Variants in HMCN1 observed in about 807,000 individuals in gnomAD.
HMCN1 encodes the protein hemicentin 1.
A neutral mutation model predicts 625.9 loss-of-function variants in HMCN1; 321 were observed. The ratio of observed to expected loss-of-function variants is 0.51; its 90% CI spans 0.47 to 0.56. HMCN1 has a LOEUF of 0.56. Among genes scored for constraint, HMCN1 ranks in the 20% least tolerant of loss-of-function variants. The pLI, the probability that HMCN1 is intolerant of heterozygous loss-of-function variation, is 0.00. For synonymous variants in HMCN1, 2,425 were observed against 2,417.6 expected (o/e 1.00, Z -0.09); for missense variants, 6,588 against 6,887.3 (o/e 0.96, Z 1.54).
chr1:186,037,261 C>T (rs1655895652), intron 36 of HMCN1, among the ~76,000 whole-genome samples: 1 of 152,046 alleles, frequency 6.6e-6, no homozygotes, highest in Non-Finnish European at 1.5e-5. Context: ...GTCTCTCACA[C>T]TCCTTGAGAT....
Position 186,120,031 on chromosome 1 carries a change from C to A in HMCN1, c.12115C>A (p.Pro4039Thr). The A allele has an allele frequency of 6.2e-7, 1 of 1,614,014 alleles. No homozygotes were observed. Among genetic ancestry groups the A allele is most frequent in the East Asian group, 2.2e-5 (1 of 44,876 alleles). ...NTSGRNHAVL[P>T]SGGLQISRAV... is the part of the protein sequence containing the mutation. The stretch of plus-strand genomic sequence containing the variant: ...TGTAGGCAGAAACCATGCAGTTCTT[C>A]CTAGTGGCGGCTTACAGATCTCCAG... The change falls in exon 80 of 107, where the codon CCT becomes ACT. Residue 4039 changes from proline (P) to threonine (T), a missense_variant. Physicochemically the swap from Pro to Thr is conservative, Grantham distance 38 (BLOSUM62 -1). Transcript: ENST00000271588.
chr1:186,151,170 A>T, intron 93 of HMCN1, 30 bp from the exon 94 acceptor site: 1 of 1,612,180 alleles, frequency 6.2e-7, no homozygotes, highest in Non-Finnish European at 8.5e-7. Flanking sequence ...TTGCATCCTT[A>T]TCCAGGAATG....
intron 6 of HMCN1, among the ~76,000 whole-genome samples, chr1:185,912,747 A>C (rs1243213335): frequency 2.6e-5 from 4 of 152,048 alleles, no homozygotes; most frequent in Non-Finnish European, 1.5e-5. Context: ...GGCTTAAAAC[A>C]CACCCTTTGT....
intron 19 of HMCN1, among the ~76,000 whole-genome samples, chr1:185,985,445 T>C (rs1445425907): frequency 1.3e-5 from 2 of 152,186 alleles, no homozygotes. Flanking sequence ...GAATATTGTG[T>C]TGGATAGGAT....
At chr1:185,839,150 C>T (rs369206636) in intron 1 of HMCN1, among the ~76,000 whole-genome samples, 3 of 152,154 alleles carry the variant, frequency 2.0e-5, no homozygotes, top group Non-Finnish European at 4.4e-5. Context: ...TGCAAGCAGA[C>T]TTTTCTCTTC....
intron 81 of HMCN1, among the ~76,000 whole-genome samples, chr1:186,123,626 A>G (rs1408177617): frequency 6.6e-6 from 1 of 152,166 alleles, no homozygotes; most frequent in African/African-American, 2.4e-5. Flanking sequence ...GAATTAGGAG[A>G]TCTATTTGAT....
At chr1:185,832,180 C>T (rs1660905814) in intron 1 of HMCN1, among the ~76,000 whole-genome samples, 4 of 152,014 alleles carry the variant, frequency 2.6e-5, no homozygotes, top group Admixed American at 2.0e-4. Flanking sequence ...CTTGTATTCC[C>T]AGCTACTTGG....
intron 1 of HMCN1, among the ~76,000 whole-genome samples, chr1:185,810,139 C>G (rs1162349253): frequency 6.6e-6 from 1 of 152,118 alleles, no homozygotes; most frequent in Non-Finnish European, 1.5e-5. Flanking sequence ...AAGCCTTCAT[C>G]ACACTATTAA....
At chr1:185,989,758 T>TC in intron 21 of HMCN1, 111 bp downstream of exon 21, 1 of 838,708 alleles carries the variant, frequency 1.2e-6, no homozygotes, top group Non-Finnish European at 1.8e-6. Context: ...AGTGAACTGC[T>TC]CCCCCAGATT....
intron 4 of HMCN1, among the ~76,000 whole-genome samples, chr1:185,899,203 T>C (rs1030289483): frequency 1.3e-5 from 2 of 152,104 alleles, no homozygotes; most frequent in African/African-American, 4.8e-5. Context: ...ATGTTCGCTA[T>C]TTTTTTGGAC....
chr1:185,765,753 C>A (rs1655833226), intron 1 of HMCN1, among the ~76,000 whole-genome samples: 1 of 152,206 alleles, frequency 6.6e-6, no homozygotes, highest in South Asian at 2.1e-4. Context: ...GCAGCATCAG[C>A]ATTAACTGGG....
chr1:186,033,555 A>C (rs1012996784), intron 36 of HMCN1, among the ~76,000 whole-genome samples: 41 of 152,198 alleles, frequency 2.7e-4, no homozygotes, highest in African/African-American at 9.9e-4. Context: ...ATTAATAGTT[A>C]TACTACATTT....
rs916120736 is a variant in HMCN1 at position 185,937,920 on chromosome 1, A to G, written c.1828+4096A>G. On this transcript the variant is annotated intron_variant, in intron 11 of 106. Coordinates refer to ENST00000271588, the MANE Select transcript of HMCN1 (RefSeq NM_031935.3). ...AATAATAATAATAATAATAATAATA[A>G]TAGTAATAATAATAAGTGGAATGGA... is the stretch of plus-strand genomic sequence containing the variant. 5.9e-4 allele frequency among the ~76,000 whole-genome samples: 86 copies of G among 145,126 alleles called. 1 individual carries two copies. The highest frequency in any genetic ancestry group is 2.2e-3 in the African/African-American group (85 of 39,192).
Position 186,007,005 on chromosome 1 carries a change from A to AT in HMCN1, c.4476-119dup, listed in dbSNP as rs1395728129. The stretch of plus-strand genomic sequence containing the variant: ...TTATTCTTGGAGTGCTAATCATATC[A>AT]TTTTATTTTTTAAATTAACTTTTAC... On this transcript the variant is annotated intron_variant, in intron 29 of 106. Coordinates refer to ENST00000271588, the MANE Select transcript of HMCN1 (RefSeq NM_031935.3). 5.1e-6 allele frequency: 4 copies of AT among 777,546 alleles called. No individual in the cohort carries two copies. The Admixed American group carries it at 8.9e-5, about 17-fold the overall frequency. 48.2% of individuals were successfully genotyped at this position (777,546 alleles called of 1,614,324 possible). A position where few individuals can be genotyped will look rare whatever the true frequency, so the allele number is the denominator to read the frequency against.
At chr1:185,815,342 A>G (rs1385354639) in intron 1 of HMCN1, among the ~76,000 whole-genome samples, 4 of 150,190 alleles carry the variant, frequency 2.7e-5, no homozygotes, top group African/African-American at 1.0e-4. Flanking sequence ...AAAAAGTTCT[A>G]TGTCAGTTGT....
intron 1 of HMCN1, among the ~76,000 whole-genome samples, chr1:185,821,229 A>G (rs1660167312): frequency 1.3e-5 from 2 of 152,138 alleles, no homozygotes; most frequent in Admixed American, 1.3e-4. Context: ...GACCACCAGT[A>G]TAAAGGATTG....
At chr1:185,865,592 C>CACACACAA (rs1337172198) in intron 3 of HMCN1, 149 bp from the exon 4 acceptor site, 10 of 310,078 alleles carry the variant, frequency 3.2e-5, no homozygotes, top group East Asian at 3.2e-4. Context: ...TACACACACA[C>CACACACAA]ACACACACAC....
intron 30 of HMCN1, among the ~76,000 whole-genome samples, chr1:186,013,166 T>C (rs1459065776): frequency 6.6e-6 from 1 of 152,160 alleles, no homozygotes; most frequent in Non-Finnish European, 1.5e-5. Flanking sequence ...CTGCTACTGT[T>C]GAGTAAAAGC....
intron 73 of HMCN1, 73 bp downstream of exon 73, chr1:186,114,196 C>A: frequency 6.8e-7 from 1 of 1,473,062 alleles, no homozygotes; most frequent in Non-Finnish European, 9.5e-7. Flanking sequence ...TCCTAGTGCA[C>A]TATTTTGGTC....
Sources: allele counts gnomAD v4.1 joint callset (sites outside exome capture counted in the v4.1 genomes callset), GRCh38; gene constraint gnomAD v4.1.1; transcripts MANE v1.5; gene names NCBI Gene and HGNC (gene_info 2026-07-23, HGNC 2026-07-21).